The following NIPSNAP1 variants were observed in gnomAD, a reference collection of about 807,000 sequenced individuals.
NIPSNAP1 encodes the protein protein NipSnap homolog 1.
In NIPSNAP1, 25 loss-of-function variants were observed where a neutral mutation model predicts 49.2. That is an observed-to-expected ratio of 0.51 (90% confidence interval 0.37 to 0.71). The LOEUF is 0.71. NIPSNAP1 is among the 30% of genes least tolerant of loss of function. The pLI is 0.00. For missense variants in NIPSNAP1, 294 were observed against 361.0 expected (o/e 0.81, Z 1.50); for synonymous variants, 143 against 140.7 (o/e 1.02, Z -0.12).
intron 1 of NIPSNAP1, among the ~76,000 whole-genome samples, chr22:29,573,666 G>A (rs908280114): frequency 2.0e-5 from 3 of 151,904 alleles, no homozygotes; most frequent in South Asian, 2.1e-4. Context: ...TACTCAGGAG[G>A]CTGGGGCAGG....
intron 9 of NIPSNAP1, among the ~76,000 whole-genome samples, chr22:29,556,449 G>A (rs1367671923): frequency 1.3e-5 from 2 of 151,808 alleles, no homozygotes; most frequent in Admixed American, 6.6e-5. Flanking sequence ...GCTTGAACCC[G>A]GGAGTCAGAG....
chr22:29,559,353 C>T (rs2064317977), intron 8 of NIPSNAP1, among the ~76,000 whole-genome samples: 1 of 152,038 alleles, frequency 6.6e-6, no homozygotes, highest in South Asian at 2.1e-4. Context: ...CCAGTCTGGC[C>T]AACATAGCGA....
chr22:29,565,648 G>T (rs1353014655), intron 4 of NIPSNAP1, among the ~76,000 whole-genome samples: 1 of 152,128 alleles, frequency 6.6e-6, no homozygotes, highest in East Asian at 1.9e-4. Flanking sequence ...TGTAGTGGCT[G>T]AAACTGAAGG....
intron 1 of NIPSNAP1, chr22:29,580,237 A>T: frequency 7.7e-7 from 1 of 1,299,532 alleles, no homozygotes; most frequent in South Asian, 1.2e-5. Flanking sequence ...AGGGTCATAT[A>T]TGCAGAGATG....
chr22:29,561,006 G>A (rs1426041707), intron 7 of NIPSNAP1, among the ~76,000 whole-genome samples, 165 bp downstream of exon 7: 2 of 152,168 alleles, frequency 1.3e-5, no homozygotes, highest in Non-Finnish European at 2.9e-5. Context: ...AACCTTCTAG[G>A]AGATCCTCAC....
At chr22:29,557,690 C>G (rs1332162714) in intron 9 of NIPSNAP1, among the ~76,000 whole-genome samples, 1 of 152,206 alleles carries the variant, frequency 6.6e-6, no homozygotes, top group Non-Finnish European at 1.5e-5. Context: ...CTTGGCCTCC[C>G]AAAGTACTAG....
intron 1 of NIPSNAP1, among the ~76,000 whole-genome samples, chr22:29,577,399 T>G (rs1274780303): frequency 1.3e-5 from 2 of 148,570 alleles, no homozygotes; most frequent in Admixed American, 6.7e-5. Flanking sequence ...ACTATAGACA[T>G]GTGTCACCAT....
intron 9 of NIPSNAP1, 133 bp downstream of exon 9, chr22:29,558,737 A>C: frequency 1.3e-6 from 1 of 755,572 alleles, no homozygotes; most frequent in Non-Finnish European, 2.4e-6. Flanking sequence ...TTGGATAGAA[A>C]CCCATTAACT....
At chr22:29,570,279 C>G (rs2064398489) in intron 2 of NIPSNAP1, 72 bp from the exon 3 acceptor site, 1 of 1,598,642 alleles carries the variant, frequency 6.3e-7, no homozygotes, top group Non-Finnish European at 8.6e-7. Flanking sequence ...GTGAGGGGAG[C>G]CCATCAAGGC....
chr22:29,564,955 G>A (rs2064359357), intron 4 of NIPSNAP1, among the ~76,000 whole-genome samples: 1 of 151,982 alleles, frequency 6.6e-6, no homozygotes, highest in Non-Finnish European at 1.5e-5. Context: ...GGAGGCTGAG[G>A]CAGGAGAGGA....
intron 1 of NIPSNAP1, chr22:29,580,247 G>C: frequency 7.7e-7 from 1 of 1,295,554 alleles, no homozygotes; most frequent in Non-Finnish European, 1.0e-6. Context: ...ATGCAGAGAT[G>C]GGGGAAGTAC....
chr22:29,561,732 A>G (rs1213065595), intron 5 of NIPSNAP1, 60 bp downstream of exon 5: 1 of 1,613,534 alleles, frequency 6.2e-7, no homozygotes, highest in African/African-American at 1.3e-5. Context: ...AGTAGTCCCC[A>G]GAACAGGGCT....
At chr22:29,569,501 G>A (rs923447002) in intron 3 of NIPSNAP1, among the ~76,000 whole-genome samples, 4 of 152,014 alleles carry the variant, frequency 2.6e-5, no homozygotes, top group Non-Finnish European at 5.9e-5. Flanking sequence ...CCAACACTGG[G>A]AGGCTGAGGC....
chr22:29,561,819 G>A lies in NIPSNAP1; in HGVS notation c.411C>T (p.Asp137=), dbSNP rs2064337880. ...RFSGGYPALM[D]CMNKLKNNKE... ...TATTGTTTTTGAGCTTGTTCATGCA[G>A]TCCATGAGGGCTGGGTAGCCACCTG... is the stretch of plus-strand genomic sequence containing the variant. Residue 137 remains aspartate, a synonymous_variant, in exon 5 of 10, where the codon GAC becomes GAT. Coordinates refer to ENST00000216121, the MANE Select transcript of NIPSNAP1 (RefSeq NM_003634.4). The A allele has an allele frequency of 6.2e-7, 1 of 1,614,040 alleles. No individual in the cohort carries two copies. The highest frequency in any genetic ancestry group is 8.5e-7 in the Non-Finnish European group (1 of 1,180,030).
rs185034873 is a variant in NIPSNAP1 at position 29,561,473 on chromosome 22, G to A, written c.579+33C>T. On this transcript the variant is annotated intron_variant, in intron 6 of 9. Transcript: ENST00000216121. Reference sequence around the variant, plus strand: ...AAGCAGCATTGCAGCAGGGAAATTGGGGGGCAGGAGGGGGTCTGTCGGAGG... The same window carrying A: ...AAGCAGCATTGCAGCAGGGAAATTGAGGGGCAGGAGGGGGTCTGTCGGAGG... 5.0e-6 allele frequency: 8 copies of A among 1,613,484 alleles called. No homozygotes were observed. The East Asian group carries it at 1.3e-4, about 27-fold the overall frequency.
chr22:29,559,747 C>G (rs564496334), intron 8 of NIPSNAP1, among the ~76,000 whole-genome samples: 129 of 152,160 alleles, frequency 8.5e-4, no homozygotes, highest in African/African-American at 2.9e-3. Context: ...TCTAGACTAA[C>G]AAATCTTCTG....
Position 29,558,372 on chromosome 22 carries a change from G to C in NIPSNAP1, c.790+498C>G, listed in dbSNP as rs565097566. On this transcript the variant is annotated intron_variant, in intron 9 of 9. Coordinates refer to ENST00000216121, the MANE Select transcript of NIPSNAP1 (RefSeq NM_003634.4). The stretch of plus-strand genomic sequence containing the variant: ...TAATCCCAGCTACTCGGGAGGCTGA[G>C]GCAGGAGAATGGCTTGAACCTGGGA... 1.5e-3 allele frequency among the ~76,000 whole-genome samples: 226 copies of C among 152,220 alleles called. 1 individual carries two copies. Among genetic ancestry groups the C allele is most frequent in the Non-Finnish European group, 2.4e-3 (162 of 68,012 alleles).
intron 4 of NIPSNAP1, among the ~76,000 whole-genome samples, chr22:29,566,759 G>A (rs933704898): frequency 2.0e-5 from 3 of 152,126 alleles, no homozygotes; most frequent in African/African-American, 7.2e-5. Context: ...GGGAGGTCAA[G>A]GGTGCAGTGA....
intron 1 of NIPSNAP1, among the ~76,000 whole-genome samples, chr22:29,573,181 C>G (rs1039345871): frequency 1.1e-4 from 17 of 151,996 alleles, no homozygotes; most frequent in Non-Finnish European, 1.8e-4. Context: ...GGACTACAGA[C>G]GTGTGCCACC....
Sources: allele counts gnomAD v4.1 joint callset (sites outside exome capture counted in the v4.1 genomes callset), GRCh38; gene constraint gnomAD v4.1.1; transcripts MANE v1.5; gene names NCBI Gene and HGNC (gene_info 2026-07-23, HGNC 2026-07-21).